CSMD3: variants seen among roughly 807,000 people sequenced by gnomAD.
The protein encoded by CSMD3 is CUB and Sushi multiple domains 3, also known as CUB and sushi domain-containing protein 3.
A neutral mutation model predicts 435.2 loss-of-function variants in CSMD3; 177 were observed. The ratio of observed to expected loss-of-function variants is 0.41; its 90% CI spans 0.36 to 0.46. CSMD3 has a LOEUF of 0.46. Ranked by LOEUF, CSMD3 falls within the 20% of genes least tolerant of loss-of-function variation. The probability of loss-of-function intolerance (pLI) is 0.34; values close to 1 mark genes in which losing one functional copy is unlikely to be tolerated. For synonymous variants in CSMD3, 1,656 were observed against 1,520.5 expected (o/e 1.09, Z -2.07); for missense variants, 4,265 against 4,504.6 (o/e 0.95, Z 1.52).
At chr8:112,456,200 A>C (rs767562916) in intron 32 of CSMD3, among the ~76,000 whole-genome samples, 3 of 152,158 alleles carry the variant, frequency 2.0e-5, no homozygotes, top group Non-Finnish European at 4.4e-5. Flanking sequence ...ATCTAATTAT[A>C]TGCTTTATAA....
Position 113,352,310 on chromosome 8 carries a change from C to T in CSMD3, c.179-37517G>A, listed in dbSNP as rs79972055. 5.1e-3 allele frequency among the ~76,000 whole-genome samples: 777 copies of T among 151,938 alleles called. 11 individuals are homozygous for T. The highest frequency in any genetic ancestry group is 0.018 in the African/African-American group (750 of 41,454). On this transcript the variant is annotated intron_variant, in intron 1 of 70. Transcript: ENST00000297405. ...ACACACAGAGATACAAGAGAGAAAGCCATGTGAAGAGGGTAGAGACTGGTA... is the reference window on the plus strand; with the variant it reads ...ACACACAGAGATACAAGAGAGAAAGTCATGTGAAGAGGGTAGAGACTGGTA...
chr8:113,027,820 G>A (rs1453724671), intron 5 of CSMD3, among the ~76,000 whole-genome samples: 1 of 151,882 alleles, frequency 6.6e-6, no homozygotes, highest in Non-Finnish European at 1.5e-5. Flanking sequence ...TCCTTTAGAT[G>A]AATTCTCTTA....
intron 6 of CSMD3, among the ~76,000 whole-genome samples, chr8:112,983,192 A>G (rs1462746576): frequency 1.3e-5 from 2 of 151,870 alleles, no homozygotes; most frequent in Non-Finnish European, 2.9e-5. Context: ...AATTATTGAA[A>G]GAAAAAATAA....
chr8:112,786,957 C>T (rs1234728985), intron 13 of CSMD3, among the ~76,000 whole-genome samples: 2 of 152,080 alleles, frequency 1.3e-5, no homozygotes, highest in South Asian at 4.1e-4. Flanking sequence ...TTGTTCAACT[C>T]CCACTTATGA....
At chr8:113,066,735 T>G (rs1481113706) in intron 5 of CSMD3, among the ~76,000 whole-genome samples, 2 of 152,050 alleles carry the variant, frequency 1.3e-5, no homozygotes, top group Non-Finnish European at 2.9e-5. Context: ...AAAGCAAATT[T>G]ATAGTATAAG....
chr8:112,323,776 T>C (rs981817945), intron 45 of CSMD3, among the ~76,000 whole-genome samples: 5 of 152,008 alleles, frequency 3.3e-5, no homozygotes, highest in East Asian at 1.9e-4. Flanking sequence ...AGTGAAGTGA[T>C]AGAAGAGAAT....
At chr8:113,251,046 A>G (rs922110606) in intron 3 of CSMD3, among the ~76,000 whole-genome samples, 5 of 152,180 alleles carry the variant, frequency 3.3e-5, no homozygotes, top group African/African-American at 1.2e-4. Context: ...GAGTAAATAC[A>G]GAGCTTTTAC....
intron 6 of CSMD3, among the ~76,000 whole-genome samples, chr8:112,982,810 A>C (rs2085102596): frequency 6.6e-6 from 1 of 152,016 alleles, no homozygotes; most frequent in Non-Finnish European, 1.5e-5. Flanking sequence ...GAATAATATA[A>C]AAGTTTTGTA....
At position 112,666,410 on chromosome 8, in the gene CSMD3, A is replaced by G. The variant is rs1322937921; in HGVS notation, c.2683T>C (p.Cys895Arg). Residue 895 changes from cysteine to arginine, a missense_variant, in exon 17 of 71, where the codon TGT (cysteine) becomes CGT (arginine). Coordinates refer to ENST00000297405, the MANE Select transcript of CSMD3 (RefSeq NM_198123.2). ...SGLIPKCGAP[C>R]GGHFSAPSGV... ...CTGGGAGCTGAAAAATGGCCACCACATGGGGCTGAAAAATTAAATCAGACA... is the reference window on the plus strand; with the variant it reads ...CTGGGAGCTGAAAAATGGCCACCACGTGGGGCTGAAAAATTAAATCAGACA... 4 of 1,611,932 alleles carry G rather than the reference A, an allele frequency of 2.5e-6. No individual in the cohort carries two copies. The highest frequency in any genetic ancestry group is 3.4e-6 in the Non-Finnish European group (4 of 1,178,874).
intron 3 of CSMD3, among the ~76,000 whole-genome samples, chr8:113,220,221 C>A (rs2092951211): frequency 6.6e-6 from 1 of 151,412 alleles, no homozygotes; most frequent in Non-Finnish European, 1.5e-5. Flanking sequence ...CAGAGGCACC[C>A]TCACAGAAAT....
chr8:112,857,096 G>A (rs1028966370), intron 11 of CSMD3, among the ~76,000 whole-genome samples: 3 of 151,740 alleles, frequency 2.0e-5, no homozygotes, highest in African/African-American at 7.2e-5. Flanking sequence ...TGTGGTGTGT[G>A]TGTGTGTGTC....
chr8:112,564,705 G>T (rs1828929064), intron 24 of CSMD3, among the ~76,000 whole-genome samples: 1 of 152,000 alleles, frequency 6.6e-6, no homozygotes. Flanking sequence ...CCTTTAATTG[G>T]CAGAATCTAA....
At chr8:112,241,844 G>GCGCA (rs1814191834) in intron 65 of CSMD3, 59 bp from the exon 66 acceptor site, 1 of 765,826 alleles carries the variant, frequency 1.3e-6, no homozygotes, top group Admixed American at 1.9e-5. Context: ...ATACACATGC[G>GCGCA]CACACACACA....
intron 11 of CSMD3, among the ~76,000 whole-genome samples, chr8:112,848,940 T>C (rs2080404956): frequency 6.6e-6 from 1 of 152,096 alleles, no homozygotes; most frequent in Non-Finnish European, 1.5e-5. Context: ...AGCCATATTC[T>C]CTAAATTTTA....
At chr8:112,837,157 C>T (rs199856869) in intron 11 of CSMD3, among the ~76,000 whole-genome samples, 10 of 151,484 alleles carry the variant, frequency 6.6e-5, no homozygotes, top group African/African-American at 1.4e-4. Context: ...ATAAATTCTT[C>T]GGGAAAAAAA....
At chr8:113,094,706 G>T (rs1220064047) in intron 5 of CSMD3, among the ~76,000 whole-genome samples, 2 of 152,098 alleles carry the variant, frequency 1.3e-5, no homozygotes, top group Non-Finnish European at 2.9e-5. Context: ...ATACAGAAAA[G>T]ACAAATATTT....
intron 16 of CSMD3, among the ~76,000 whole-genome samples, chr8:112,677,265 G>A (rs2075788859): frequency 6.6e-6 from 1 of 151,610 alleles, no homozygotes; most frequent in Non-Finnish European, 1.5e-5. Flanking sequence ...GTGTAAGCAT[G>A]GGGGAAGACA....
chr8:112,936,029 A>G (rs566545657), intron 9 of CSMD3, among the ~76,000 whole-genome samples: 2 of 152,200 alleles, frequency 1.3e-5, no homozygotes, highest in Middle Eastern at 6.8e-3. Context: ...TGGATTCAAT[A>G]TGGAGAGGTG....
intron 32 of CSMD3, among the ~76,000 whole-genome samples, chr8:112,448,439 G>T (rs1477343291): frequency 1.3e-5 from 2 of 152,056 alleles, no homozygotes; most frequent in African/African-American, 4.8e-5. Context: ...AGGAAGATTT[G>T]CACACGTACA....
Sources: gnomAD v4.1 joint callset for allele counts (sites outside exome capture counted in the v4.1 genomes callset) on GRCh38, gnomAD v4.1.1 for gene constraint, MANE v1.5 for transcripts, NCBI Gene and HGNC (gene_info 2026-07-23, HGNC 2026-07-21) for gene names.